STAU2: variants seen among roughly 807,000 people sequenced by gnomAD.
STAU2 encodes staufen double-stranded RNA binding protein 2, also known as double-stranded RNA-binding protein Staufen homolog 2.
In STAU2, 20 loss-of-function variants were observed where a neutral mutation model predicts 65.9. That is an observed-to-expected ratio of 0.30 (90% CI 0.21 to 0.44). The LOEUF (loss-of-function observed/expected upper bound fraction) is 0.44, where lower values mean the gene tolerates loss of function less well. Ranked by LOEUF, STAU2 falls within the 20% of genes least tolerant of loss-of-function variation. The pLI, the probability that STAU2 is intolerant of heterozygous loss-of-function variation, is 1.00. For synonymous variants in STAU2, 232 were observed against 233.9 expected (o/e 0.99, Z 0.07); for missense variants, 558 against 683.9 (o/e 0.82, Z 2.05).
intron 13 of STAU2, among the ~76,000 whole-genome samples, chr8:73,516,432 TA>T (rs1822732744): frequency 6.6e-6 from 1 of 152,158 alleles, no homozygotes; most frequent in South Asian, 2.1e-4. Flanking sequence ...TTTGGGGGTT[TA>T]AAAATGCCTT....
At chr8:73,553,860 T>G (rs765974621) in intron 12 of STAU2, among the ~76,000 whole-genome samples, 1 of 152,112 alleles carries the variant, frequency 6.6e-6, no homozygotes, top group South Asian at 2.1e-4. Context: ...TCAGTGGGAA[T>G]GTTTGTAAGG....
At chr8:73,475,380 T>C (rs566052600) in intron 13 of STAU2, among the ~76,000 whole-genome samples, 1 of 152,272 alleles carries the variant, frequency 6.6e-6, no homozygotes, top group Admixed American at 6.5e-5. Flanking sequence ...TTCCCACAGA[T>C]CAGGATGCAG....
At chr8:73,533,348 G>A (rs188723952) in intron 13 of STAU2, among the ~76,000 whole-genome samples, 16 of 152,050 alleles carry the variant, frequency 1.1e-4, no homozygotes, top group African/African-American at 2.9e-4. Flanking sequence ...TAAATAAGAC[G>A]GCTTTCTTTG....
At chr8:73,435,097 C>T (rs1008016907) in intron 13 of STAU2, among the ~76,000 whole-genome samples, 1 of 151,706 alleles carries the variant, frequency 6.6e-6, no homozygotes, top group Non-Finnish European at 1.5e-5. Flanking sequence ...ATGGAGATGC[C>T]CCCCCTGGAC....
chr8:73,528,490 A>T (rs1358952794), intron 13 of STAU2, among the ~76,000 whole-genome samples: 1 of 152,200 alleles, frequency 6.6e-6, no homozygotes, highest in African/African-American at 2.4e-5. Context: ...CCGTCTTCCC[A>T]TTAAGAAAAT....
intron 12 of STAU2, among the ~76,000 whole-genome samples, chr8:73,580,332 A>T (rs569351623): frequency 6.6e-6 from 1 of 152,244 alleles, no homozygotes; most frequent in Non-Finnish European, 1.5e-5. Flanking sequence ...CAACATTATA[A>T]ATTAGTATGC....
At position 73,721,287 on chromosome 8, in the gene STAU2, CAAAAAAAAAAAAA is replaced by C. The variant is rs35721754; in HGVS notation, c.-17-12138_-17-12126del. Among the ~76,000 whole-genome samples, 10 of 12,464 alleles carry C rather than the reference CAAAAAAAAAAAAA, an allele frequency of 8.0e-4. No homozygotes were observed. The South Asian group carries it at 0.014, about 18-fold the overall frequency. 8.2% of individuals were successfully genotyped at this position (12,464 alleles called of 152,430 possible). ...CGTGAACAAAGCAAAACCCCACCTC[CAAAAAAAAAAAAA>C]AAAAAAAAAAAAAAAGTCCTTTATG... On this transcript the variant is annotated intron_variant, in intron 3 of 14. Coordinates refer to ENST00000524300, the MANE Select transcript of STAU2 (RefSeq NM_001164380.2).
At chr8:73,619,270 C>G (rs1813055574) in intron 6 of STAU2, among the ~76,000 whole-genome samples, 1 of 152,022 alleles carries the variant, frequency 6.6e-6, no homozygotes, top group South Asian at 2.1e-4. Context: ...ATGCTACTAA[C>G]AGGTCAAGTA....
At chr8:73,731,680 G>A (rs1263758699) in intron 3 of STAU2, among the ~76,000 whole-genome samples, 1 of 152,204 alleles carries the variant, frequency 6.6e-6, no homozygotes, top group South Asian at 2.1e-4. Context: ...ACTCACGCCT[G>A]TAATTCCAGC....
chr8:73,605,476 T>G (rs1035351759), intron 9 of STAU2, among the ~76,000 whole-genome samples: 2 of 151,938 alleles, frequency 1.3e-5, no homozygotes, highest in Non-Finnish European at 2.9e-5. Flanking sequence ...GCCTGGTTAA[T>G]CTCTGTATTT....
chr8:73,476,812 G>C (rs898380890), intron 13 of STAU2, among the ~76,000 whole-genome samples: 2 of 152,152 alleles, frequency 1.3e-5, no homozygotes, highest in African/African-American at 4.8e-5. Flanking sequence ...CAGATGACTT[G>C]CTGGCCAAAG....
chr8:73,608,922 G>T (rs1282714646), intron 9 of STAU2, among the ~76,000 whole-genome samples: 1 of 152,238 alleles, frequency 6.6e-6, no homozygotes, highest in East Asian at 1.9e-4. Flanking sequence ...AGGTTGCAGT[G>T]AGCCGAGACA....
At chr8:73,665,015 A>G (rs1214456011) in intron 6 of STAU2, among the ~76,000 whole-genome samples, 1 of 152,118 alleles carries the variant, frequency 6.6e-6, no homozygotes, top group Non-Finnish European at 1.5e-5. Context: ...TAATTTTTAT[A>G]TCTGTGACCA....
chr8:73,573,746 A>G (rs1344374490), intron 12 of STAU2, among the ~76,000 whole-genome samples: 1 of 152,200 alleles, frequency 6.6e-6, no homozygotes, highest in African/African-American at 2.4e-5. Flanking sequence ...TATACAAAAA[A>G]ATTAATTCAA....
intron 13 of STAU2, among the ~76,000 whole-genome samples, chr8:73,535,219 A>G (rs1390637452): frequency 1.3e-5 from 2 of 151,932 alleles, no homozygotes; most frequent in South Asian, 2.1e-4. Context: ...GCCCAGGCTG[A>G]AGTGCAGTGG....
At chr8:73,742,750 C>T (rs1806974913) in intron 1 of STAU2, among the ~76,000 whole-genome samples, 1 of 151,730 alleles carries the variant, frequency 6.6e-6, no homozygotes, top group Admixed American at 6.6e-5. Flanking sequence ...AGACGTGATG[C>T]TCATGAAGAA....
intron 13 of STAU2, among the ~76,000 whole-genome samples, chr8:73,489,081 A>T (rs1207948774): frequency 6.6e-6 from 1 of 151,912 alleles, no homozygotes; most frequent in Non-Finnish European, 1.5e-5. Context: ...CAGCAGAAGG[A>T]ATTTTTTTTT....
chr8:73,625,161 C>T (rs1415969341), intron 6 of STAU2, among the ~76,000 whole-genome samples: 1 of 152,124 alleles, frequency 6.6e-6, no homozygotes, highest in African/African-American at 2.4e-5. Flanking sequence ...TTACCAGTTC[C>T]TCAAAAAATT....
In STAU2 at chr8:73,452,262, C is replaced by T. The variant is rs542133891; in HGVS notation, c.1531-29560G>A. Among the ~76,000 whole-genome samples the T allele has an allele frequency of 1.6e-3, 237 of 152,282 alleles. 1 individual carries two copies. The highest frequency in any genetic ancestry group is 5.2e-3 in the African/African-American group (217 of 41,560). On this transcript the variant is annotated intron_variant, in intron 13 of 14. Transcript: ENST00000524300. ...CTCTCTCTCTCCCTATCATGACACCCGGCTCTGTGACAGAGGACAGAGGGG... is the reference window on the plus strand; with the variant it reads ...CTCTCTCTCTCCCTATCATGACACCTGGCTCTGTGACAGAGGACAGAGGGG...
Sources: allele counts gnomAD v4.1 joint callset (sites outside exome capture counted in the v4.1 genomes callset), GRCh38; gene constraint gnomAD v4.1.1; transcripts MANE v1.5; gene names NCBI Gene and HGNC (gene_info 2026-07-23, HGNC 2026-07-21).